CHRNA7: variants seen among roughly 807,000 people sequenced by gnomAD.
CHRNA7 encodes the protein neuronal acetylcholine receptor subunit alpha-7.
In CHRNA7, 17 loss-of-function variants were observed where a neutral mutation model predicts 48.0. The ratio of observed to expected loss-of-function variants is 0.35; its 90% CI spans 0.24 to 0.53. The LOEUF (loss-of-function observed/expected upper bound fraction) is 0.53. Among genes scored for constraint, CHRNA7 ranks in the 20% least tolerant of loss-of-function variants. The pLI is 0.92. For synonymous variants in CHRNA7, 75 were observed against 242.3 expected (o/e 0.31, Z 6.41); for missense variants, 155 against 577.7 (o/e 0.27, Z 7.50).
rs771965146 is a variant in CHRNA7 at position 32,030,684 on chromosome 15, G to T, written c.55+35G>T. The T allele has an allele frequency of 7.1e-6, 11 of 1,557,196 alleles. No individual in the cohort carries two copies. The Admixed American group carries it at 1.9e-4, about 26-fold the overall frequency. ...CTGCCTCCCCGCCCTCCACTCCTCCGTGGGATCCCGGGCACATCCCGGGCG... is the reference window on the plus strand; with the variant it reads ...CTGCCTCCCCGCCCTCCACTCCTCCTTGGGATCCCGGGCACATCCCGGGCG... On this transcript the variant is annotated intron_variant, in intron 1 of 9. Coordinates refer to ENST00000306901, the MANE Select transcript of CHRNA7 (RefSeq NM_000746.6).
At chr15:32,034,482 A>C (rs534536207) in intron 2 of CHRNA7, among the ~76,000 whole-genome samples, 2 of 152,316 alleles carry the variant, frequency 1.3e-5, no homozygotes, top group East Asian at 3.9e-4. Flanking sequence ...GGGGGAGGCT[A>C]TGATTTTTCT....
chr15:32,132,532 G>T (rs536744213), intron 4 of CHRNA7, among the ~76,000 whole-genome samples: 1 of 152,280 alleles, frequency 6.6e-6, no homozygotes, highest in East Asian at 1.9e-4. Context: ...TTAAATAATA[G>T]AAATTTATTT....
At chr15:32,085,235 C>A (rs1352022370) in intron 2 of CHRNA7, among the ~76,000 whole-genome samples, 1 of 152,108 alleles carries the variant, frequency 6.6e-6, no homozygotes, top group Non-Finnish European at 1.5e-5. Context: ...AAGTTTCCTG[C>A]CTTTGAGATA....
chr15:32,076,260 T>C (rs890178965), intron 2 of CHRNA7, among the ~76,000 whole-genome samples: 1 of 152,198 alleles, frequency 6.6e-6, no homozygotes, highest in African/African-American at 2.4e-5. Context: ...AGAGACAAAG[T>C]ATAAACATCT....
At position 32,095,287 on chromosome 15, in the gene CHRNA7, C is replaced by T. The variant is rs77246728; in HGVS notation, c.196-6016C>T. Among the ~76,000 whole-genome samples the T allele has an allele frequency of 2.9e-3, 449 of 152,314 alleles. 2 individuals carry two copies. Among genetic ancestry groups the T allele is most frequent in the African/African-American group, 0.01 (433 of 41,576 alleles). ...AAGCTCCCCATCAGCAGCTCTCAGA[C>T]ATCCAGGCTTCAGGACTCCGTTGCT... On this transcript the variant is annotated intron_variant, in intron 2 of 9. Transcript: ENST00000306901.
chr15:32,106,935 G>A (rs75376573), intron 3 of CHRNA7, among the ~76,000 whole-genome samples: 480 of 152,110 alleles, frequency 3.2e-3, no homozygotes, highest in African/African-American at 0.011. Flanking sequence ...GAAATGCCAC[G>A]CTTCCTGTTT....
rs1393265486 is a variant in CHRNA7, at chr15:32,169,378, GTTAA to G, written c.*924_*927del. On this transcript the variant is annotated 3_prime_UTR_variant, in exon 10 of 10. Coordinates refer to ENST00000306901, the MANE Select transcript of CHRNA7 (RefSeq NM_000746.6). Reference sequence around the variant, plus strand: ...TGTTAGCTGATTCACATGCACTGGAGTTAATTAGTCTTAGAAATGTGTGCATCCA... The same window carrying G: ...TGTTAGCTGATTCACATGCACTGGAGTTAGTCTTAGAAATGTGTGCATCCA... 8.0e-5 allele frequency: 10 copies of G among 124,404 alleles called. No homozygotes were observed. The highest frequency in any genetic ancestry group is 4.7e-4 in the East Asian group (2 of 4,292). The allele number at this position is 124,404 out of a possible 1,614,324, so 7.7% of individuals were successfully genotyped here.
chr15:32,131,990 G>T (rs77985184), intron 4 of CHRNA7, among the ~76,000 whole-genome samples: 1 of 152,166 alleles, frequency 6.6e-6, no homozygotes, highest in Non-Finnish European at 1.5e-5. Context: ...AGCAGGAGGC[G>T]GCTGGGTCAA....
intron 2 of CHRNA7, among the ~76,000 whole-genome samples, chr15:32,076,138 G>A (rs1386063602): frequency 6.6e-6 from 1 of 152,018 alleles, no homozygotes; most frequent in Non-Finnish European, 1.5e-5. Flanking sequence ...AGTATTTTCT[G>A]CTTTTGTTCA....
At chr15:32,086,367 C>CAA (rs150673202) in intron 2 of CHRNA7, among the ~76,000 whole-genome samples, 1 of 74,036 alleles carries the variant, frequency 1.4e-5, no homozygotes, top group African/African-American at 4.9e-5. Flanking sequence ...GACTCCATCT[C>CAA]AAAAAAAAAA....
chr15:32,103,949 A>G (rs964098026), intron 3 of CHRNA7, among the ~76,000 whole-genome samples: 6 of 152,164 alleles, frequency 3.9e-5, no homozygotes, highest in Non-Finnish European at 8.8e-5. Context: ...GGCATCAACC[A>G]TGATGCTTTC....
chr15:32,144,073 T>C (rs1595497570), intron 4 of CHRNA7, among the ~76,000 whole-genome samples: 1 of 152,226 alleles, frequency 6.6e-6, no homozygotes, highest in East Asian at 1.9e-4. Flanking sequence ...TTCCTTTCCA[T>C]GTTAAGTGCT....
intron 4 of CHRNA7, among the ~76,000 whole-genome samples, chr15:32,133,342 C>T (rs995119898): frequency 5.9e-5 from 9 of 152,154 alleles, no homozygotes; most frequent in Non-Finnish European, 1.2e-4. Context: ...ATCTAGGCTA[C>T]GTAAAACTGT....
intron 4 of CHRNA7, among the ~76,000 whole-genome samples, chr15:32,151,327 T>C (rs1465773656): frequency 6.6e-6 from 1 of 152,150 alleles, no homozygotes; most frequent in Non-Finnish European, 1.5e-5. Flanking sequence ...CTAAATCTCT[T>C]TTATCGATCT....
chr15:32,091,183 A>G (rs567431734), intron 2 of CHRNA7, among the ~76,000 whole-genome samples: 1 of 152,208 alleles, frequency 6.6e-6, no homozygotes, highest in South Asian at 2.1e-4. Context: ...TTTATTCAGT[A>G]TTATCCCTCT....
At chr15:32,048,867 G>C (rs1042361767) in intron 2 of CHRNA7, among the ~76,000 whole-genome samples, 1 of 151,712 alleles carries the variant, frequency 6.6e-6, no homozygotes, top group Non-Finnish European at 1.5e-5. Flanking sequence ...CTGGTATGTT[G>C]TGTCTTTGTT....
intron 2 of CHRNA7, among the ~76,000 whole-genome samples, chr15:32,049,536 G>A (rs2049624818): frequency 6.6e-6 from 1 of 152,156 alleles, no homozygotes; most frequent in Admixed American, 6.5e-5. Context: ...GAGGCTATGT[G>A]TGTCTCTGCA....
chr15:32,095,548 C>T (rs777848995), intron 2 of CHRNA7, among the ~76,000 whole-genome samples: 3 of 152,062 alleles, frequency 2.0e-5, no homozygotes, highest in Non-Finnish European at 4.4e-5. Flanking sequence ...TGTTGCAAAT[C>T]TCCTTAATGC....
At chr15:32,114,498 G>T (rs2050834527) in intron 4 of CHRNA7, among the ~76,000 whole-genome samples, 1 of 152,150 alleles carries the variant, frequency 6.6e-6, no homozygotes, top group Admixed American at 6.5e-5. Flanking sequence ...TTCCCATGGT[G>T]GACATAGACC....
Sources: allele counts gnomAD v4.1 joint callset (sites outside exome capture counted in the v4.1 genomes callset), GRCh38; gene constraint gnomAD v4.1.1; transcripts MANE v1.5; gene names NCBI Gene and HGNC (gene_info 2026-07-23, HGNC 2026-07-21).